RGL1: variants seen among roughly 807,000 people sequenced by gnomAD.
The protein encoded by RGL1 is ral guanine nucleotide dissociation stimulator-like 1.
RGL1 carries 24 observed loss-of-function variants against 95.2 expected under a neutral mutation model. That is an observed-to-expected ratio of 0.25 (90% confidence interval 0.18 to 0.35). RGL1 has a LOEUF of 0.35. Ranked by LOEUF, RGL1 falls within the 10% of genes least tolerant of loss-of-function variation. The pLI is 1.00. For missense variants in RGL1, 715 were observed against 936.3 expected (o/e 0.76, Z 3.08); for synonymous variants, 329 against 344.9 (o/e 0.95, Z 0.51).
At chr1:183,853,785 A>G (rs891842331) in intron 3 of RGL1, among the ~76,000 whole-genome samples, 1 of 151,910 alleles carries the variant, frequency 6.6e-6, no homozygotes, top group Non-Finnish European at 1.5e-5. Context: ...AGCTCTTTCC[A>G]AGTGTACAAT....
intron 2 of RGL1, among the ~76,000 whole-genome samples, chr1:183,781,328 A>G (rs1033070698): frequency 1.3e-5 from 2 of 152,170 alleles, no homozygotes; most frequent in Non-Finnish European, 2.9e-5. Flanking sequence ...AGCTGGCTGA[A>G]AGTATTATGG....
chr1:183,775,697 A>G (rs1490239536), intron 2 of RGL1, among the ~76,000 whole-genome samples: 2 of 152,340 alleles, frequency 1.3e-5, no homozygotes, highest in East Asian at 1.9e-4. Context: ...CCTTATGGGA[A>G]GATTGAATAT....
Position 183,884,799 on chromosome 1 carries a change from A to G in RGL1, c.812A>G (p.His271Arg). ...CGAAGGGATAAGAAGGAAAACAAAC[A>G]TTTGGCTCCTACGATCCGTGCCACC... The part of the protein sequence containing the change: ...WSRRDKKENK[H>R]LAPTIRATIS... The change falls in exon 7 of 18, where the codon CAT becomes CGT. Residue 271 changes from histidine to arginine, a missense_variant. His to Arg is a conservative substitution (Grantham distance 29). Transcript: ENST00000360851. The G allele has an allele frequency of 1.9e-6, 3 of 1,614,120 alleles. No individual in the cohort carries two copies. The highest frequency in any genetic ancestry group is 2.5e-6 in the Non-Finnish European group (3 of 1,179,988).
rs538460884 is a variant in RGL1, at chr1:183,653,675, C to T, written c.-33+17174C>T. Among the ~76,000 whole-genome samples the T allele has an allele frequency of 2.0e-5, 3 of 152,208 alleles. No individual in the cohort carries two copies. The South Asian group carries it at 6.2e-4, about 32-fold the overall frequency. ...GACTTCCTCCAAGAGGCCCATAGTC[C>T]CTGAAGGGGGTGTTTTTGATTCTGT... On this transcript the variant is annotated intron_variant, in intron 1 of 18. Transcript: ENST00000304685.
intron 1 of RGL1, chr1:183,647,990 G>T (rs781574644): frequency 1.9e-6 from 3 of 1,614,192 alleles, no homozygotes; most frequent in East Asian, 2.2e-5. Context: ...GAAAGGCATT[G>T]TTTAAGGGGT....
chr1:183,713,164 T>A (rs530585958), intron 1 of RGL1, among the ~76,000 whole-genome samples: 2 of 152,118 alleles, frequency 1.3e-5, no homozygotes, highest in African/African-American at 4.8e-5. Context: ...TAGCTGAGAT[T>A]ACAGGCGTGT....
At chr1:183,770,045 C>G (rs1659195759) in intron 2 of RGL1, among the ~76,000 whole-genome samples, 1 of 152,204 alleles carries the variant, frequency 6.6e-6, no homozygotes. Context: ...TTTATTAACA[C>G]ACATATGTAG....
intron 2 of RGL1, among the ~76,000 whole-genome samples, chr1:183,776,669 T>C (rs1197482929): frequency 1.3e-5 from 2 of 151,998 alleles, no homozygotes; most frequent in Non-Finnish European, 2.9e-5. Context: ...AAGCACATAC[T>C]AGAGACTACA....
intron 2 of RGL1, among the ~76,000 whole-genome samples, chr1:183,787,270 A>C (rs910588356): frequency 5.9e-5 from 9 of 152,120 alleles, no homozygotes; most frequent in African/African-American, 1.9e-4. Context: ...GCATTGCTTC[A>C]CTAAACCCCA....
rs545943272 is a variant in RGL1 at position 183,688,491 on chromosome 1, C to G, written c.-33+51990C>G. On this transcript the variant is annotated intron_variant, in intron 1 of 18. Transcript: ENST00000304685. ...GAGAGAGAGAGACAGCAAGGACTTT[C>G]ATGTCTTTAAAAGCAATTACAGGCT... Among the ~76,000 whole-genome samples the G allele has an allele frequency of 1.8e-4, 28 of 152,158 alleles. 2 individuals carry two copies. The South Asian group carries it at 5.8e-3, about 32-fold the overall frequency.
In RGL1 at chr1:183,916,758, C is replaced by T. The variant is rs970079145; in HGVS notation, c.2004+57C>T. 8.9e-6 allele frequency: 14 copies of T among 1,572,992 alleles called. No individual in the cohort carries two copies. The Admixed American group carries it at 2.4e-4, about 27-fold the overall frequency. On this transcript the variant is annotated intron_variant, in intron 16 of 17. Coordinates refer to ENST00000360851, the MANE Select transcript of RGL1 (RefSeq NM_001297671.3). ...TTCCATTTAGATTGTGTGTCTGTGTCTGTCGGCCGCTCAGACTAATAGCCC... is the reference window on the plus strand; with the variant it reads ...TTCCATTTAGATTGTGTGTCTGTGTTTGTCGGCCGCTCAGACTAATAGCCC...
At chr1:183,817,801 A>C (rs535559579) in intron 2 of RGL1, among the ~76,000 whole-genome samples, 1 of 152,312 alleles carries the variant, frequency 6.6e-6, no homozygotes, top group East Asian at 1.9e-4. Flanking sequence ...ACACTGACTC[A>C]AGGCATGCGT....
chr1:183,691,555 A>T (rs1314333691), intron 1 of RGL1, among the ~76,000 whole-genome samples: 1 of 152,250 alleles, frequency 6.6e-6, no homozygotes, highest in Non-Finnish European at 1.5e-5. Flanking sequence ...TGAGGAACAA[A>T]AAAGTTGTTA....
intron 2 of RGL1, among the ~76,000 whole-genome samples, chr1:183,780,753 C>G (rs1369666146): frequency 6.6e-6 from 1 of 152,226 alleles, no homozygotes; most frequent in African/African-American, 2.4e-5. Flanking sequence ...TGCCTTACCT[C>G]TTCATACTGT....
At position 183,889,879 on chromosome 1, in the gene RGL1, G is replaced by T. The variant is rs79159263; in HGVS notation, c.1055+1302G>T. On this transcript the variant is annotated intron_variant, in intron 8 of 17. Coordinates refer to ENST00000360851, the MANE Select transcript of RGL1 (RefSeq NM_001297671.3). Reference sequence around the variant, plus strand: ...TTTCAAAGACCAATGCAATTTTCTTGATTATTATTCTTTTTTTAGGTTCTT... The same window carrying T: ...TTTCAAAGACCAATGCAATTTTCTTTATTATTATTCTTTTTTTAGGTTCTT... 8.7e-3 allele frequency among the ~76,000 whole-genome samples: 1,329 copies of T among 152,184 alleles called. 11 individuals carry two copies. The highest frequency in any genetic ancestry group is 0.012 in the Non-Finnish European group (808 of 67,980).
chr1:183,722,562 G>A (rs1201030283), intron 1 of RGL1, among the ~76,000 whole-genome samples: 1 of 152,000 alleles, frequency 6.6e-6, no homozygotes, highest in Non-Finnish European at 1.5e-5. Flanking sequence ...TACTAATTCT[G>A]ACAAAAATCT....
intron 1 of RGL1, among the ~76,000 whole-genome samples, chr1:183,685,380 T>C (rs1377079078): frequency 2.0e-5 from 3 of 152,188 alleles, no homozygotes; most frequent in African/African-American, 7.2e-5. Flanking sequence ...CTATGCTCAG[T>C]GATTTACATA....
chr1:183,782,016 A>T (rs893302616), intron 2 of RGL1, among the ~76,000 whole-genome samples: 11 of 152,348 alleles, frequency 7.2e-5, no homozygotes, highest in African/African-American at 2.6e-4. Flanking sequence ...GTTTATGAAC[A>T]CCTGATACAT....
intron 2 of RGL1, among the ~76,000 whole-genome samples, chr1:183,813,422 A>G (rs2102434051): frequency 6.6e-6 from 1 of 152,362 alleles, no homozygotes; most frequent in South Asian, 2.1e-4. Flanking sequence ...AGACGAAATC[A>G]CAGTTTAGGC....
Sources: allele counts gnomAD v4.1 joint callset (sites outside exome capture counted in the v4.1 genomes callset), GRCh38; gene constraint gnomAD v4.1.1; transcripts MANE v1.5; gene names NCBI Gene and HGNC (gene_info 2026-07-23, HGNC 2026-07-21).